The following PPP3CA variants were observed in gnomAD, a reference collection of about 807,000 sequenced individuals.
PPP3CA encodes CAM-PRP catalytic subunit.
Under a neutral mutation model 66.5 loss-of-function variants are expected in PPP3CA, and 14 were observed. The observed-to-expected ratio is 0.21, with a 90% CI of 0.14 to 0.33. The LOEUF is 0.33. PPP3CA is among the 10% of genes least tolerant of loss of function. The probability of loss-of-function intolerance (pLI) is 1.00; values close to 1 mark genes in which losing one functional copy is unlikely to be tolerated. For missense variants in PPP3CA, 317 were observed against 639.5 expected (o/e 0.50, Z 5.44); for synonymous variants, 232 against 226.2 (o/e 1.03, Z -0.23).
chr4:101,127,081 T>C (rs956546899), intron 2 of PPP3CA, among the ~76,000 whole-genome samples: 3 of 152,150 alleles, frequency 2.0e-5, no homozygotes, highest in African/African-American at 7.2e-5. Context: ...TGTTTTCCCT[T>C]ATCTGAGGTT....
intron 1 of PPP3CA, among the ~76,000 whole-genome samples, chr4:101,278,332 T>G (rs1006643088): frequency 1.3e-5 from 2 of 152,090 alleles, no homozygotes; most frequent in Non-Finnish European, 2.9e-5. Flanking sequence ...CCCTCTGCTA[T>G]TACCCCATTA....
chr4:101,265,564 A>G (rs1011103230), intron 1 of PPP3CA, among the ~76,000 whole-genome samples: 2 of 152,216 alleles, frequency 1.3e-5, no homozygotes, highest in Admixed American at 1.3e-4. Context: ...GGATAACTAA[A>G]CATGAATCAC....
chr4:101,248,114 G>C (rs1409911675), intron 1 of PPP3CA, among the ~76,000 whole-genome samples: 1 of 152,142 alleles, frequency 6.6e-6, no homozygotes, highest in Non-Finnish European at 1.5e-5. Context: ...TTGGTTGTTG[G>C]CAAGTCCATA....
Position 101,315,128 on chromosome 4 carries a change from A to G in PPP3CA, c.58+31611T>C, listed in dbSNP as rs374444760. On this transcript the variant is annotated intron_variant, in intron 1 of 13. Coordinates refer to ENST00000394854, the MANE Select transcript of PPP3CA (RefSeq NM_000944.5). Reference sequence around the variant, plus strand: ...AGTCATGAGGGCTGAGTCCTCCTACATGGGATTCACGTCTTTAAAAAAGAG... The same window carrying G: ...AGTCATGAGGGCTGAGTCCTCCTACGTGGGATTCACGTCTTTAAAAAAGAG... Among the ~76,000 whole-genome samples the G allele has an allele frequency of 1.7e-4, 26 of 152,208 alleles. 1 individual carries two copies. Among genetic ancestry groups the G allele is most frequent in the Admixed American group, 7.8e-4 (12 of 15,292 alleles).
chr4:101,030,614 T>TA (rs1726902874), intron 12 of PPP3CA, among the ~76,000 whole-genome samples: 1 of 151,988 alleles, frequency 6.6e-6, no homozygotes, highest in South Asian at 2.1e-4. Flanking sequence ...CCAAATAACC[T>TA]AAGTAAAAAC....
At chr4:101,323,700 T>A (rs1317850621) in intron 1 of PPP3CA, among the ~76,000 whole-genome samples, 1 of 152,198 alleles carries the variant, frequency 6.6e-6, no homozygotes, top group African/African-American at 2.4e-5. Context: ...TATCAGCAAA[T>A]ACTTATATAG....
chr4:101,214,730 C>T (rs1725405833), intron 1 of PPP3CA, among the ~76,000 whole-genome samples: 1 of 152,058 alleles, frequency 6.6e-6, no homozygotes. Flanking sequence ...ATGTAACTAG[C>T]CACCAAAATC....
chr4:101,289,366 C>T (rs1727946734), intron 1 of PPP3CA, among the ~76,000 whole-genome samples: 1 of 152,232 alleles, frequency 6.6e-6, no homozygotes, highest in African/African-American at 2.4e-5. Flanking sequence ...TAATATTCCA[C>T]AAATGCGTAA....
chr4:101,335,096 A>C (rs552069510), intron 1 of PPP3CA, among the ~76,000 whole-genome samples: 58 of 152,112 alleles, frequency 3.8e-4, no homozygotes, highest in Admixed American at 2.7e-3. Context: ...TCTTAAAATA[A>C]GTCATCTGCA....
At chr4:101,332,804 C>CACA (rs1729431205) in intron 1 of PPP3CA, among the ~76,000 whole-genome samples, 1 of 152,154 alleles carries the variant, frequency 6.6e-6, no homozygotes, top group Admixed American at 6.5e-5. Flanking sequence ...TGCCCATGGA[C>CACA]ACACAGTTGG....
intron 1 of PPP3CA, among the ~76,000 whole-genome samples, chr4:101,308,090 G>A (rs1728603387): frequency 6.6e-6 from 1 of 152,084 alleles, no homozygotes; most frequent in African/African-American, 2.4e-5. Flanking sequence ...CAATTTAACA[G>A]TACACTTTAT....
At chr4:101,333,750 T>C (rs535119443) in intron 1 of PPP3CA, among the ~76,000 whole-genome samples, 6 of 152,324 alleles carry the variant, frequency 3.9e-5, no homozygotes, top group Admixed American at 2.6e-4. Flanking sequence ...CAAATTCATA[T>C]TGATTACATT....
chr4:101,199,313 T>C (rs1360720068), intron 1 of PPP3CA, among the ~76,000 whole-genome samples: 14 of 152,112 alleles, frequency 9.2e-5, no homozygotes, highest in Non-Finnish European at 4.4e-5. Flanking sequence ...TACAACAAAA[T>C]TGGATTTCCC....
intron 1 of PPP3CA, among the ~76,000 whole-genome samples, chr4:101,246,570 T>C (rs953532642): frequency 6.6e-6 from 1 of 152,180 alleles, no homozygotes; most frequent in Admixed American, 6.5e-5. Context: ...TTACAAGCTA[T>C]ATAGGTTAAA....
In PPP3CA at chr4:101,112,365, A is replaced by G. The variant is rs528603657; in HGVS notation, c.260-3287T>C. On this transcript the variant is annotated intron_variant, in intron 2 of 13. Coordinates refer to ENST00000394854, the MANE Select transcript of PPP3CA (RefSeq NM_000944.5). The stretch of plus-strand genomic sequence containing the variant: ...CTCAATGATTTACAATATCACTGCA[A>G]TAATTGGATTTTGGCTTGATGATAT... Among the ~76,000 whole-genome samples the G allele has an allele frequency of 5.3e-4, 80 of 152,294 alleles. 1 individual carries two copies. In the South Asian group the frequency reaches 9.1e-3, roughly 17 times the overall value.
intron 1 of PPP3CA, among the ~76,000 whole-genome samples, chr4:101,248,103 G>A (rs555355944): frequency 6.1e-4 from 93 of 152,270 alleles, no homozygotes; most frequent in African/African-American, 2.2e-3. Context: ...GCCACTATCT[G>A]TTGGTTGTTG....
intron 2 of PPP3CA, among the ~76,000 whole-genome samples, chr4:101,141,784 C>T (rs1043094928): frequency 2.0e-5 from 3 of 152,136 alleles, no homozygotes; most frequent in African/African-American, 7.2e-5. Context: ...CACAGCTTCC[C>T]AAGAACGGAG....
intron 2 of PPP3CA, among the ~76,000 whole-genome samples, chr4:101,151,188 TA>T (rs1723125405): frequency 6.6e-6 from 1 of 152,312 alleles, no homozygotes; most frequent in African/African-American, 2.4e-5. Flanking sequence ...GATTTGAATA[TA>T]ATGGTTGAAT....
intron 5 of PPP3CA, among the ~76,000 whole-genome samples, chr4:101,097,996 T>A (rs1730273990): frequency 6.6e-6 from 1 of 152,234 alleles, no homozygotes; most frequent in Non-Finnish European, 1.5e-5. Flanking sequence ...TTAATGGTTA[T>A]GTTATGATAT....
Sources: gnomAD v4.1 joint callset for allele counts (sites outside exome capture counted in the v4.1 genomes callset) on GRCh38, gnomAD v4.1.1 for gene constraint, MANE v1.5 for transcripts, NCBI Gene and HGNC (gene_info 2026-07-23, HGNC 2026-07-21) for gene names.